DMD: variants seen among roughly 807,000 people sequenced by gnomAD.
DMD encodes the protein mutant dystrophin.
In DMD, 63 loss-of-function variants were observed where a neutral mutation model predicts 330.1. The ratio of observed to expected loss-of-function variants is 0.19; its 90% CI spans 0.16 to 0.24. The LOEUF is 0.24. DMD is among the 10% of genes least tolerant of loss of function. The probability of loss-of-function intolerance (pLI) is 1.00; values close to 1 mark genes in which losing one functional copy is unlikely to be tolerated. For missense variants in DMD, 3,344 were observed against 2,684.1 expected (o/e 1.25, Z -5.43); for synonymous variants, 1,223 against 959.8 (o/e 1.27, Z -5.07).
Position 31,267,105 on chromosome X carries a change from G to GAGAA in DMD, c.9225-6093_9225-6090dup, listed in dbSNP as rs72467955. On this transcript the variant is annotated intron_variant, in intron 62 of 78. Transcript: ENST00000357033. ...TTCAAAACGGAAAGGAAAAAGAAAA[G>GAGAA]AGAAAGAAAGAAAGAAAGAAAGAAA... Among the ~76,000 whole-genome samples, 19,757 of 105,764 alleles carry GAGAA rather than the reference G, an allele frequency of 0.19. 1,704 individuals are homozygous for GAGAA. The highest frequency in any genetic ancestry group is 0.22 in the African/African-American group (6,223 of 28,811). The allele number at this position is 105,764 out of a possible 115,157, so 91.8% of individuals were successfully genotyped here.
At chrX:31,507,750 T>C (rs1259802136) in intron 55 of DMD, among the ~76,000 whole-genome samples, 1 of 112,262 alleles carries the variant, frequency 8.9e-6, no homozygotes, top group African/African-American at 3.2e-5. Flanking sequence ...TTATATCTTC[T>C]AGTCTATGGA....
At chrX:32,006,007 A>G (rs915886900) in intron 44 of DMD, among the ~76,000 whole-genome samples, 1 of 111,288 alleles carries the variant, frequency 9.0e-6, no homozygotes, top group African/African-American at 3.3e-5. Context: ...CTTCCAATAA[A>G]CTTTAGCTTT....
At chrX:31,732,864 A>G (rs1355044215) in intron 51 of DMD, among the ~76,000 whole-genome samples, 1 of 111,704 alleles carries the variant, frequency 9.0e-6, no homozygotes, top group Non-Finnish European at 1.9e-5. Flanking sequence ...GTGCTTATTT[A>G]TTTCTCTGAT....
intron 41 of DMD, among the ~76,000 whole-genome samples, chrX:32,336,760 A>T (rs12014214): frequency 8.9e-6 from 1 of 112,404 alleles, no homozygotes. Context: ...TATAGCACCT[A>T]TGCAAAATTC....
chrX:31,302,745 T>C (rs761329897), intron 62 of DMD, among the ~76,000 whole-genome samples: 10 of 111,168 alleles, frequency 9.0e-5, no homozygotes, highest in Admixed American at 1.9e-4. Context: ...TCAGATTAAG[T>C]AACAGTTTGG....
At chrX:32,417,763 A>T (rs1203107171) in intron 29 of DMD, among the ~76,000 whole-genome samples, 1 of 110,142 alleles carries the variant, frequency 9.1e-6, no homozygotes, top group Admixed American at 9.8e-5. Context: ...GAGCTTCTGC[A>T]AGACTTCTTA....
intron 52 of DMD, among the ~76,000 whole-genome samples, chrX:31,682,472 A>C (rs775452821): frequency 8.9e-6 from 1 of 112,020 alleles, no homozygotes; most frequent in East Asian, 2.8e-4. Flanking sequence ...TTGGTTTATA[A>C]AATAAATGGT....
intron 1 of DMD, among the ~76,000 whole-genome samples, chrX:33,280,873 C>T (rs148877897): frequency 0.022 from 2,460 of 111,807 alleles, 63 homozygotes; most frequent in African/African-American, 0.075. Context: ...AGTGATTTCT[C>T]TAATTAATTT....
At chrX:31,879,479 G>C (rs1412790042) in intron 47 of DMD, among the ~76,000 whole-genome samples, 2 of 111,407 alleles carry the variant, frequency 1.8e-5, no homozygotes, top group Admixed American at 1.9e-4. Flanking sequence ...AATTACTTTT[G>C]TAAAAAATTA....
At chrX:33,205,702 G>T (rs2051527937) in intron 1 of DMD, among the ~76,000 whole-genome samples, 1 of 111,996 alleles carries the variant, frequency 8.9e-6, no homozygotes, top group South Asian at 3.6e-4. Flanking sequence ...AACATTTAAA[G>T]GGTAAGCATT....
intron 60 of DMD, among the ~76,000 whole-genome samples, chrX:31,437,827 T>TAA (rs1491063236): frequency 7.6e-5 from 8 of 105,037 alleles, no homozygotes; most frequent in South Asian, 4.0e-4. Flanking sequence ...TATATATATA[T>TAA]AACATATACA....
At chrX:31,480,789 T>C (rs1405160112) in intron 57 of DMD, among the ~76,000 whole-genome samples, 1 of 111,496 alleles carries the variant, frequency 9.0e-6, no homozygotes, top group African/African-American at 3.3e-5. Flanking sequence ...AAACTGGAAA[T>C]ACAAAGTTGA....
intron 62 of DMD, among the ~76,000 whole-genome samples, chrX:31,280,335 A>C (rs1372368944): frequency 8.9e-6 from 1 of 112,274 alleles, no homozygotes; most frequent in Non-Finnish European, 1.9e-5. Context: ...AATATAAGAG[A>C]CCAGATACAT....
At chrX:32,883,673 A>G (rs1273293578) in intron 2 of DMD, among the ~76,000 whole-genome samples, 1 of 107,557 alleles carries the variant, frequency 9.3e-6, no homozygotes, top group African/African-American at 3.4e-5. Flanking sequence ...AAATACAAAA[A>G]ATTAGCCGGG....
intron 52 of DMD, among the ~76,000 whole-genome samples, chrX:31,694,617 C>CATATATATAT (rs34933227): frequency 0.016 from 937 of 57,937 alleles, 6 homozygotes; most frequent in Admixed American, 0.026. Flanking sequence ...TGACAAACAG[C>CATATATATAT]ATATATATAT....
chrX:31,229,706 C>T (rs7889006), intron 63 of DMD, among the ~76,000 whole-genome samples: 1 of 111,761 alleles, frequency 8.9e-6, no homozygotes, highest in Non-Finnish European at 1.9e-5. Flanking sequence ...CTACTGCCTG[C>T]CTATTTTACT....
chrX:32,366,961 T>C (rs1490449874), intron 34 of DMD, among the ~76,000 whole-genome samples: 1 of 112,358 alleles, frequency 8.9e-6, no homozygotes, highest in African/African-American at 3.2e-5. Flanking sequence ...ATGTAGGTGC[T>C]ATTTGTTGCA....
At chrX:32,796,537 C>T (rs1335278456) in intron 7 of DMD, among the ~76,000 whole-genome samples, 1 of 111,215 alleles carries the variant, frequency 9.0e-6, no homozygotes, top group Non-Finnish European at 1.9e-5. Context: ...TAATGTTCAA[C>T]AGCAGAAAGG....
intron 9 of DMD, among the ~76,000 whole-genome samples, chrX:32,666,470 T>C (rs1447920490): frequency 9.0e-6 from 1 of 111,044 alleles, no homozygotes; most frequent in Non-Finnish European, 1.9e-5. Flanking sequence ...TGGTTTTCTG[T>C]TCCTGGGTTA....
Sources: gnomAD v4.1 joint callset for allele counts (sites outside exome capture counted in the v4.1 genomes callset) on GRCh38, gnomAD v4.1.1 for gene constraint, MANE v1.5 for transcripts, NCBI Gene and HGNC (gene_info 2026-07-23, HGNC 2026-07-21) for gene names.